Variants in CPED1 observed in about 807,000 individuals in gnomAD.
CPED1 encodes the protein cadherin like and PC-esterase domain containing 1.
Under a neutral mutation model 128.2 loss-of-function variants are expected in CPED1, and 114 were observed. The ratio of observed to expected loss-of-function variants is 0.89; its 90% CI spans 0.76 to 1.04. CPED1 has a LOEUF of 1.04. Among genes scored for constraint, CPED1 ranks in the 50% least tolerant of loss-of-function variants. The pLI is 0.00. For synonymous variants in CPED1, 462 were observed against 426.7 expected (o/e 1.08, Z -1.02); for missense variants, 1,211 against 1,207.1 (o/e 1.00, Z -0.05).
intron 16 of CPED1, among the ~76,000 whole-genome samples, chr7:121,152,110 T>C (rs1208313652): frequency 6.6e-6 from 1 of 152,184 alleles, no homozygotes; most frequent in Non-Finnish European, 1.5e-5. Context: ...GTTTAAAACA[T>C]TGAGCATGAC....
At chr7:121,130,422 A>G in intron 12 of CPED1, 128 bp downstream of exon 12, 1 of 662,304 alleles carries the variant, frequency 1.5e-6, no homozygotes. Context: ...TTCCATGCTC[A>G]GGAAAATAAA....
At chr7:121,065,962 G>A (rs1793821476) in intron 5 of CPED1, among the ~76,000 whole-genome samples, 1 of 152,006 alleles carries the variant, frequency 6.6e-6, no homozygotes, top group African/African-American at 2.4e-5. Context: ...AGAAATGTCT[G>A]CAGCATTATT....
chr7:121,099,874 T>C (rs1794800750), intron 6 of CPED1, 52 bp from the exon 7 acceptor site: 2 of 1,567,624 alleles, frequency 1.3e-6, no homozygotes, highest in East Asian at 2.2e-5. Context: ...TTACAAATTA[T>C]GTACTCAACC....
intron 14 of CPED1, among the ~76,000 whole-genome samples, chr7:121,139,616 G>T (rs73215377): frequency 6.6e-6 from 1 of 152,106 alleles, no homozygotes; most frequent in Non-Finnish European, 1.5e-5. Flanking sequence ...ACAAGGAAGG[G>T]ATTGTGAAAT....
intron 4 of CPED1, among the ~76,000 whole-genome samples, chr7:121,056,795 T>A (rs1793510443): frequency 6.6e-6 from 1 of 152,204 alleles, no homozygotes; most frequent in Admixed American, 6.5e-5. Context: ...AATTCATACA[T>A]CATGTTTGTA....
chr7:121,287,294 C>G (rs1365296941), intron 22 of CPED1, among the ~76,000 whole-genome samples: 1 of 152,102 alleles, frequency 6.6e-6, no homozygotes, highest in Non-Finnish European at 1.5e-5. Flanking sequence ...CACACACACA[C>G]TCACACACTC....
At chr7:120,995,506 C>T (rs966331758) in intron 2 of CPED1, among the ~76,000 whole-genome samples, 14 of 152,100 alleles carry the variant, frequency 9.2e-5, no homozygotes, top group African/African-American at 3.1e-4. Flanking sequence ...ATCAGTTTTG[C>T]CTATTGTTAA....
At chr7:121,144,972 G>A (rs1795990012) in intron 16 of CPED1, among the ~76,000 whole-genome samples, 1 of 151,976 alleles carries the variant, frequency 6.6e-6, no homozygotes, top group Non-Finnish European at 1.5e-5. Context: ...GTACAACTAA[G>A]CATGAGGGAA....
intron 12 of CPED1, among the ~76,000 whole-genome samples, chr7:121,131,959 A>G (rs1244966365): frequency 7.4e-6 from 1 of 136,002 alleles, no homozygotes; most frequent in East Asian, 2.0e-4. Context: ...TAGTGGGGGT[A>G]ATGTTTTTTT....
chr7:121,176,216 A>ACC (rs1554444022), intron 16 of CPED1, among the ~76,000 whole-genome samples: 8 of 93,048 alleles, frequency 8.6e-5, no homozygotes, highest in African/African-American at 3.6e-4. Flanking sequence ...AAAAAAAAAA[A>ACC]CACCTCTGGA....
In CPED1 at chr7:120,989,632, G is replaced by T. The variant is rs1319152050; in HGVS notation, c.11G>T (p.Arg4Leu). 6.2e-7 allele frequency: 1 copy of T among 1,613,896 alleles called. No homozygotes were observed. Among genetic ancestry groups the T allele is most frequent in the African/African-American group, 1.3e-5 (1 of 74,918 alleles). The change falls in exon 2 of 23, where the codon CGC becomes CTC. Residue 4 changes from arginine to leucine, a missense_variant. Physicochemically the swap from Arg to Leu is moderately radical, Grantham distance 102 (BLOSUM62 -2). Transcript: ENST00000310396. ...GAAGCTGAACTGGTCATGGTCTGTC[G>T]CCCAGTGTTCCCTTGTCGTCGGCGA... MVC[R>L]PVFPCRRRFC... is the part of the protein sequence containing the mutation.
intron 6 of CPED1, 26 bp downstream of exon 6, chr7:121,097,857 T>C: frequency 6.2e-7 from 1 of 1,612,450 alleles, no homozygotes; most frequent in Non-Finnish European, 8.5e-7. Flanking sequence ...TGAATTGTTA[T>C]AACCAGCATG....
At position 121,149,445 on chromosome 7, in the gene CPED1, A is replaced by G. The variant is rs549041865; in HGVS notation, c.2055+7304A>G. 4 of 152,346 alleles carry G rather than the reference A, an allele frequency of 2.6e-5. No homozygotes were observed. The South Asian group carries it at 8.3e-4, about 32-fold the overall frequency. The allele number at this position is 152,346 out of a possible 1,614,324, so 9.4% of individuals were successfully genotyped here. ...TGTTGAACACTCACCTCATGAGGTC[A>G]TGCCACTTACGATCAGATAGATTAC... is the stretch of plus-strand genomic sequence containing the variant. On this transcript the variant is annotated intron_variant, in intron 16 of 22. Transcript: ENST00000310396.
chr7:121,083,101 G>C (rs1232167389), intron 5 of CPED1, among the ~76,000 whole-genome samples: 1 of 152,100 alleles, frequency 6.6e-6, no homozygotes, highest in Non-Finnish European at 1.5e-5. Flanking sequence ...CCAGTCCTCA[G>C]CTCTCACTGG....
chr7:121,222,242 G>A (rs954918348), intron 16 of CPED1, among the ~76,000 whole-genome samples: 4 of 152,020 alleles, frequency 2.6e-5, no homozygotes, highest in African/African-American at 9.7e-5. Context: ...TTTTTGTCAG[G>A]TTTGTCAAAA....
chr7:121,125,930 G>T (rs760761011), intron 9 of CPED1, 38 bp downstream of exon 9: 5 of 1,357,974 alleles, frequency 3.7e-6, no homozygotes, highest in Non-Finnish European at 5.3e-6. Context: ...CTTCTACCTT[G>T]TGGTGAGAGA....
chr7:121,128,249 A>AT, intron 10 of CPED1, 133 bp from the exon 11 acceptor site: 1 of 599,632 alleles, frequency 1.7e-6, no homozygotes, highest in Non-Finnish European at 3.1e-6. Flanking sequence ...GTTGCTATGT[A>AT]TTATTTAACA....
chr7:121,064,409 C>A, intron 5 of CPED1, 96 bp downstream of exon 5: 1 of 786,442 alleles, frequency 1.3e-6, no homozygotes, highest in Non-Finnish European at 2.2e-6. Flanking sequence ...GCATCTGTTG[C>A]TACTTTGTCT....
chr7:121,065,199 C>T (rs1186404651), intron 5 of CPED1, among the ~76,000 whole-genome samples: 3 of 152,058 alleles, frequency 2.0e-5, no homozygotes, highest in Admixed American at 6.6e-5. Flanking sequence ...CTGAAGTCAT[C>T]GACTGATATT....
Sources: allele counts gnomAD v4.1 joint callset (sites outside exome capture counted in the v4.1 genomes callset), GRCh38; gene constraint gnomAD v4.1.1; transcripts MANE v1.5; gene names NCBI Gene and HGNC (gene_info 2026-07-23, HGNC 2026-07-21).